ATRNL1: variants seen among roughly 807,000 people sequenced by gnomAD.
ATRNL1 encodes attractin like 1.
ATRNL1 carries 95 observed loss-of-function variants against 182.7 expected under a neutral mutation model. The observed-to-expected ratio is 0.52, with a 90% CI of 0.44 to 0.62. The LOEUF is 0.62. ATRNL1 is among the 20% of genes least tolerant of loss of function. The probability of loss-of-function intolerance (pLI) is 0.00; values close to 1 mark genes in which losing one functional copy is unlikely to be tolerated. For missense variants in ATRNL1, 1,471 were observed against 1,679.5 expected (o/e 0.88, Z 2.17); for synonymous variants, 576 against 568.3 (o/e 1.01, Z -0.19).
intron 26 of ATRNL1, among the ~76,000 whole-genome samples, chr10:115,622,961 A>G (rs1555023518): frequency 6.6e-6 from 1 of 152,108 alleles, no homozygotes; most frequent in East Asian, 1.9e-4. Context: ...GAAAGCAAAG[A>G]TAGAAAATCT....
chr10:115,129,377 G>T lies in ATRNL1; in HGVS notation c.671G>T (p.Ser224Ile). The stretch of plus-strand genomic sequence containing the variant: ...TCTGGTCATGGGAAGTGTACAACTA[G>T]TGTCTCTGTTCCAAGTCAAGTATAT... ...NCSGHGKCTTSVSVPSQVYCE... is the reference protein window; with the variant it reads ...NCSGHGKCTTIVSVPSQVYCE... Residue 224 changes from serine (S) to isoleucine (I), a missense_variant, in exon 5 of 29, where the codon AGT becomes ATT. Physicochemically the swap from Ser to Ile is moderately radical, Grantham distance 142. Transcript: ENST00000355044. 6.2e-7 allele frequency: 1 copy of T among 1,613,906 alleles called. No homozygotes were observed. Among genetic ancestry groups the T allele is most frequent in the Non-Finnish European group, 8.5e-7 (1 of 1,179,816 alleles).
At chr10:115,271,396 T>G (rs1851857882) in intron 13 of ATRNL1, among the ~76,000 whole-genome samples, 1 of 152,040 alleles carries the variant, frequency 6.6e-6, no homozygotes, top group Admixed American at 6.6e-5. Context: ...AATTCGTCAT[T>G]TACGTTAGGT....
At chr10:115,400,127 A>G (rs1228212924) in intron 20 of ATRNL1, among the ~76,000 whole-genome samples, 1 of 152,108 alleles carries the variant, frequency 6.6e-6, no homozygotes, top group African/African-American at 2.4e-5. Context: ...ACACGAACAG[A>G]CACTTTTCAA....
chr10:115,101,579 T>C (rs1399031736), intron 1 of ATRNL1, among the ~76,000 whole-genome samples: 1 of 152,198 alleles, frequency 6.6e-6, no homozygotes, highest in Non-Finnish European at 1.5e-5. Flanking sequence ...CTTTCCTTTT[T>C]ATTTTAGGTT....
chr10:115,316,010 T>G (rs1042369466), intron 18 of ATRNL1, among the ~76,000 whole-genome samples: 14 of 152,272 alleles, frequency 9.2e-5, no homozygotes, highest in Non-Finnish European at 1.8e-4. Flanking sequence ...TTAGTTTAAG[T>G]TTTGGGATAC....
chr10:115,268,435 C>A lies in ATRNL1; in HGVS notation c.2091C>A (p.Asn697Lys). 2 of 1,603,084 alleles carry A rather than the reference C, an allele frequency of 1.2e-6. No homozygotes were observed. Among genetic ancestry groups the A allele is most frequent in the Non-Finnish European group, 1.7e-6 (2 of 1,170,128 alleles). ...AGAAATGCATTTCGGCAAATAGTAA[C>A]TGCAGTATGGTTAGTATTTATGGGT... ...DDKKCISANS[N>K]CSMSVKNYTK... The change falls in exon 13 of 29, where the codon AAC becomes AAA. Residue 697 changes from asparagine to lysine, a missense_variant. Transcript: ENST00000355044.
chr10:115,225,909 G>A (rs1244884404), intron 9 of ATRNL1, among the ~76,000 whole-genome samples: 7 of 150,230 alleles, frequency 4.7e-5, no homozygotes, highest in African/African-American at 1.7e-4. Context: ...GGTAATTTTT[G>A]TATAAATTTT....
intron 27 of ATRNL1, among the ~76,000 whole-genome samples, chr10:115,792,898 A>G (rs1383796335): frequency 2.6e-5 from 4 of 151,970 alleles, no homozygotes; most frequent in African/African-American, 9.7e-5. Context: ...AAAAAAAATC[A>G]TTCTTTCTAG....
chr10:115,208,257 A>G (rs1469399400), intron 8 of ATRNL1, among the ~76,000 whole-genome samples: 1 of 151,988 alleles, frequency 6.6e-6, no homozygotes, highest in Non-Finnish European at 1.5e-5. Flanking sequence ...TATATTTCCA[A>G]TCATTTTTTA....
chr10:115,384,284 G>C (rs1858205577), intron 19 of ATRNL1, among the ~76,000 whole-genome samples: 1 of 151,886 alleles, frequency 6.6e-6, no homozygotes, highest in Admixed American at 6.6e-5. Context: ...GATAAATGTT[G>C]TCAAATTCTC....
At chr10:115,202,243 C>T (rs1848612055) in intron 8 of ATRNL1, among the ~76,000 whole-genome samples, 1 of 151,516 alleles carries the variant, frequency 6.6e-6, no homozygotes, top group Admixed American at 6.6e-5. Flanking sequence ...TGCCTAATTG[C>T]CCTGGCCAGA....
At chr10:115,587,402 A>G (rs1555010418) in intron 26 of ATRNL1, among the ~76,000 whole-genome samples, 1 of 151,690 alleles carries the variant, frequency 6.6e-6, no homozygotes, top group Non-Finnish European at 1.5e-5. Context: ...TGTGCTAGCA[A>G]TCAGTGAGAC....
At chr10:115,710,142 A>AC (rs398114801) in intron 26 of ATRNL1, among the ~76,000 whole-genome samples, 2 of 151,652 alleles carry the variant, frequency 1.3e-5, no homozygotes, top group African/African-American at 2.4e-5. Flanking sequence ...TAAAAAAAAA[A>AC]CAATAAAATA....
Position 115,266,838 on chromosome 10 carries a change from A to G in ATRNL1, c.1814A>G (p.Asn605Ser), listed in dbSNP as rs782760779. 7 of 1,611,624 alleles carry G rather than the reference A, an allele frequency of 4.3e-6. No homozygotes were observed. Among genetic ancestry groups the G allele is most frequent in the South Asian group, 1.1e-5 (1 of 90,964 alleles). ...GGGGGATTTTCTAGTGTACTCCTTA[A>G]TGATATCCTTGTATACAAGCCTCCA... ...IFGGFSSVLL[N>S]DILVYKPPNC... The change falls in exon 12 of 29, where the codon AAT (asparagine) becomes AGT (serine). Residue 605 changes from asparagine to serine, a missense_variant. Physicochemically the swap from Asn to Ser is conservative, Grantham distance 46 (BLOSUM62 1). Around this residue, in one of 3 missense-constraint regions of ATRNL1, gnomAD observed 1,031 missense variants for 1,156.0 expected, o/e 0.89. Coordinates refer to ENST00000355044, the MANE Select transcript of ATRNL1 (RefSeq NM_207303.4).
At chr10:115,765,702 A>C (rs1948840860) in intron 27 of ATRNL1, among the ~76,000 whole-genome samples, 2 of 152,186 alleles carry the variant, frequency 1.3e-5, no homozygotes, top group African/African-American at 2.4e-5. Context: ...ATATGTAAAA[A>C]ATTATTACAG....
chr10:115,386,919 G>T (rs1333778187), intron 19 of ATRNL1, among the ~76,000 whole-genome samples: 3 of 148,528 alleles, frequency 2.0e-5, no homozygotes, highest in East Asian at 2.0e-4. Context: ...GCGGTGTTTG[G>T]TTTTTTGTCC....
intron 26 of ATRNL1, among the ~76,000 whole-genome samples, chr10:115,575,058 C>T (rs1555004713): frequency 6.6e-6 from 1 of 152,048 alleles, no homozygotes; most frequent in African/African-American, 2.4e-5. Context: ...TTTTTCCTTG[C>T]ACCTTTTAAA....
At chr10:115,402,495 A>G (rs1268437682) in intron 20 of ATRNL1, among the ~76,000 whole-genome samples, 3 of 152,122 alleles carry the variant, frequency 2.0e-5, no homozygotes, top group African/African-American at 7.2e-5. Context: ...CTAGCCAAAA[A>G]AAGTTTATTG....
intron 26 of ATRNL1, among the ~76,000 whole-genome samples, chr10:115,595,052 C>G (rs1235558004): frequency 6.6e-6 from 1 of 152,170 alleles, no homozygotes; most frequent in African/African-American, 2.4e-5. Flanking sequence ...GTGTAACCAT[C>G]ATCCATAAAC....
Sources: gnomAD v4.1 joint callset for allele counts (sites outside exome capture counted in the v4.1 genomes callset) on GRCh38, gnomAD v4.1.1 for gene constraint, gnomAD v4.1.1 regional missense constraint, MANE v1.5 for transcripts, NCBI Gene and HGNC (gene_info 2026-07-23, HGNC 2026-07-21) for gene names.